LRRC74A: variants seen among roughly 807,000 people sequenced by gnomAD.
The protein encoded by LRRC74A is leucine rich repeat containing 74A, also known as leucine-rich repeat-containing protein 74A.
A neutral mutation model predicts 57.9 loss-of-function variants in LRRC74A; 44 were observed. That is an observed-to-expected ratio of 0.76 (90% CI 0.60 to 0.98). The LOEUF (loss-of-function observed/expected upper bound fraction) is 0.98. Among genes scored for constraint, LRRC74A ranks in the 50% least tolerant of loss-of-function variants. The pLI is 0.00. For missense variants in LRRC74A, 572 were observed against 574.0 expected, an observed-to-expected ratio of 1.00 and a Z score of 0.04; for synonymous variants, 211 against 219.4, an observed-to-expected ratio of 0.96 and a Z score of 0.34.
chr14:76,831,115 C>A, intron 2 of LRRC74A, 88 bp from the exon 3 acceptor site: 1 of 1,356,270 alleles, frequency 7.4e-7, no homozygotes, highest in South Asian at 1.3e-5. Flanking sequence ...AGAGGACAGT[C>A]TAGACATGAG....
At chr14:76,860,540 C>T (rs928903305) in intron 10 of LRRC74A, among the ~76,000 whole-genome samples, 153 bp from the exon 11 acceptor site, 10 of 152,128 alleles carry the variant, frequency 6.6e-5, no homozygotes, top group Admixed American at 2.6e-4. Context: ...CTAAAATACC[C>T]GAACTATCCC....
At chr14:76,831,870 T>C (rs906860360) in intron 3 of LRRC74A, among the ~76,000 whole-genome samples, 10 of 152,210 alleles carry the variant, frequency 6.6e-5, no homozygotes, top group Non-Finnish European at 1.5e-4. Flanking sequence ...TAGTGTTATC[T>C]CTCAGCTTGG....
At chr14:76,846,869 T>C (rs1378217547) in intron 7 of LRRC74A, among the ~76,000 whole-genome samples, 2 of 152,180 alleles carry the variant, frequency 1.3e-5, no homozygotes, top group African/African-American at 4.8e-5. Flanking sequence ...TGGTTTGCTA[T>C]ATGAGTTTAG....
At chr14:76,828,177 A>T in intron 1 of LRRC74A, 114 bp from the exon 2 acceptor site, 3 of 1,365,266 alleles carry the variant, frequency 2.2e-6, no homozygotes, top group Non-Finnish European at 3.0e-6. Context: ...TGGCACCTTG[A>T]GGACCTGGGA....
chr14:76,855,741 G>A (rs995062138), intron 9 of LRRC74A, among the ~76,000 whole-genome samples: 34 of 152,180 alleles, frequency 2.2e-4, no homozygotes, highest in African/African-American at 8.0e-4. Context: ...TCAGAGCCTG[G>A]GACGCAGCTG....
At chr14:76,836,619 G>T (rs1361564294) in intron 4 of LRRC74A, among the ~76,000 whole-genome samples, 3 of 152,132 alleles carry the variant, frequency 2.0e-5, no homozygotes. Flanking sequence ...GGCCAACATG[G>T]TGAAACCCCG....
At chr14:76,868,226 G>C (rs1899109491) in intron 13 of LRRC74A, among the ~76,000 whole-genome samples, 1 of 152,172 alleles carries the variant, frequency 6.6e-6, no homozygotes, top group Non-Finnish European at 1.5e-5. Flanking sequence ...ACTTTGGGAG[G>C]CTGAAACAGG....
intron 7 of LRRC74A, among the ~76,000 whole-genome samples, chr14:76,849,908 TAAA>T (rs1043203352): frequency 6.6e-6 from 1 of 151,514 alleles, no homozygotes; most frequent in Non-Finnish European, 1.5e-5. Flanking sequence ...AATCCTCATT[TAAA>T]AAAAACTCTA....
At chr14:76,831,991 C>T (rs1039229724) in intron 3 of LRRC74A, among the ~76,000 whole-genome samples, 6 of 152,120 alleles carry the variant, frequency 3.9e-5, no homozygotes, top group Non-Finnish European at 7.4e-5. Context: ...CTAACAACTG[C>T]CTGTCAGCAT....
Position 76,826,646 on chromosome 14 carries a change from A to G in LRRC74A, c.-52A>G. 1 of 1,606,662 alleles carries G rather than the reference A, an allele frequency of 6.2e-7. No individual in the cohort carries two copies. Among genetic ancestry groups the G allele is most frequent in the Non-Finnish European group, 8.5e-7 (1 of 1,176,832 alleles). On this transcript the variant is annotated 5_prime_UTR_variant, in exon 1 of 14. Transcript: ENST00000689127. ...GGACAGGTGTGCTTCTTAGGGAAGC[A>G]GTCGAGAGGTGGCAAGAAGTTGGCA...
chr14:76,858,910 T>C (rs558008613), intron 10 of LRRC74A, among the ~76,000 whole-genome samples: 5 of 152,320 alleles, frequency 3.3e-5, no homozygotes, highest in Admixed American at 3.3e-4. Flanking sequence ...CATTTGAATA[T>C]GTAAACCCAA....
chr14:76,835,524 C>G (rs1196784532), intron 3 of LRRC74A, among the ~76,000 whole-genome samples: 1 of 151,426 alleles, frequency 6.6e-6, no homozygotes, highest in Non-Finnish European at 1.5e-5. Flanking sequence ...TATCTTGGAT[C>G]TAGATATTCA....
intron 11 of LRRC74A, among the ~76,000 whole-genome samples, chr14:76,863,362 C>T (rs1595398598): frequency 6.6e-6 from 1 of 152,284 alleles, no homozygotes; most frequent in East Asian, 1.9e-4. Flanking sequence ...TCTCCACGTT[C>T]TAGCCCCACT....
chr14:76,849,720 T>C (rs1248143462), intron 7 of LRRC74A, among the ~76,000 whole-genome samples: 1 of 146,694 alleles, frequency 6.8e-6, no homozygotes, highest in Non-Finnish European at 1.5e-5. Flanking sequence ...GGAGAATCAC[T>C]TGAACCTGGG....
Position 76,853,240 on chromosome 14 carries a change from G to C in LRRC74A, c.787G>C (p.Asp263His). ...GGGTAATGTGACCCTGACAAAGCTG[G>C]ATCTCTCCATGAATGGCTTTGGGAA... ...LRGNVTLTKL[D>H]LSMNGFGNEV... The change falls in exon 9 of 14, where the codon GAT becomes CAT. Residue 263 changes from aspartate to histidine, a missense_variant. Coordinates refer to ENST00000689127, the MANE Select transcript of LRRC74A (RefSeq NM_001385106.1). 1 of 1,613,264 alleles carries C rather than the reference G, an allele frequency of 6.2e-7. No homozygotes were observed. The highest frequency in any genetic ancestry group is 1.3e-5 in the African/African-American group (1 of 74,998).
rs774464999 is a variant in LRRC74A, at chr14:76,836,236, G to C, written c.369G>C (p.Leu123=). 1.2e-6 allele frequency: 2 copies of C among 1,613,834 alleles called. No homozygotes were observed. The highest frequency in any genetic ancestry group is 8.5e-7 in the Non-Finnish European group (1 of 1,179,784). ...ACATGGCTGTTACCAAACTGGAGCT[G>C]GAAGACAATTGCATCATGGAGGAGG... ...VSNMAVTKLE[L]EDNCIMEEGV... Residue 123 remains leucine, a synonymous_variant, in exon 4 of 14, where the codon CTG becomes CTC. Transcript: ENST00000689127.
Position 76,831,200 on chromosome 14 carries a change from C to A in LRRC74A, c.167-3C>A. On this transcript the variant is annotated splice_polypyrimidine_tract_variant and splice_region_variant and intron_variant, in intron 2 of 13. Coordinates refer to ENST00000689127, the MANE Select transcript of LRRC74A (RefSeq NM_001385106.1). Reference sequence around the variant, plus strand: ...TCCTACTTCAGCCCATCTTTCTCTGCAGATGATGAGAAATTTTTCACCACT... The same window carrying A: ...TCCTACTTCAGCCCATCTTTCTCTGAAGATGATGAGAAATTTTTCACCACT... The A allele has an allele frequency of 6.2e-7, 1 of 1,613,836 alleles. No individual in the cohort carries two copies. The highest frequency in any genetic ancestry group is 8.5e-7 in the Non-Finnish European group (1 of 1,179,774).
chr14:76,850,814 G>A (rs1030992478), intron 7 of LRRC74A, among the ~76,000 whole-genome samples: 4 of 145,458 alleles, frequency 2.7e-5, no homozygotes, highest in Admixed American at 1.4e-4. Context: ...GTTGCAGTGA[G>A]CCGAGATTGT....
chr14:76,849,003 C>A (rs1897273229), intron 7 of LRRC74A, among the ~76,000 whole-genome samples: 1 of 152,116 alleles, frequency 6.6e-6, no homozygotes, highest in Admixed American at 6.6e-5. Context: ...TCAGTTCAGA[C>A]CACTAGGGTT....
Sources: gnomAD v4.1 joint callset for allele counts (sites outside exome capture counted in the v4.1 genomes callset) on GRCh38, gnomAD v4.1.1 for gene constraint, MANE v1.5 for transcripts, NCBI Gene and HGNC (gene_info 2026-07-23, HGNC 2026-07-21) for gene names.